Variants in NBEA observed in about 807,000 individuals in gnomAD.
NBEA encodes neurobeachin.
Under a neutral mutation model 343.4 loss-of-function variants are expected in NBEA, and 44 were observed. The observed-to-expected ratio is 0.13, with a 90% CI of 0.10 to 0.16. The LOEUF (loss-of-function observed/expected upper bound fraction) is 0.16. Ranked by LOEUF, NBEA falls within the 10% of genes least tolerant of loss-of-function variation. NBEA has a pLI of 1.00. For missense variants in NBEA, 2,555 were observed against 3,631.3 expected, an observed-to-expected ratio of 0.70 and a Z score of 7.62; for synonymous variants, 1,175 against 1,238.7, an observed-to-expected ratio of 0.95 and a Z score of 1.08.
Position 35,432,362 on chromosome 13 carries a change from T to C in NBEA, c.6273T>C (p.Ala2091=). The C allele has an allele frequency of 3.1e-6, 5 of 1,609,212 alleles. No individual in the cohort carries two copies. Among genetic ancestry groups the C allele is most frequent in the South Asian group, 1.1e-5 (1 of 90,086 alleles). Residue 2091 remains alanine (A), a synonymous_variant, in exon 39 of 59, where the codon GCT becomes GCC. Transcript: ENST00000379939. ...GCAATGCATTTGGCTCCACTCATGC[T>C]GAAGCATTGCTGAAAGCTGCAATAG... The part of the protein sequence containing the change: ...FVRNAFGSTH[A]EALLKAAIEY...
At chr13:35,296,130 G>A (rs917029746) in intron 35 of NBEA, among the ~76,000 whole-genome samples, 4 of 151,978 alleles carry the variant, frequency 2.6e-5, no homozygotes, top group South Asian at 2.1e-4. Flanking sequence ...GGTGGCTCAC[G>A]CCTGTAATCC....
At chr13:35,218,101 G>A (rs1390729093) in intron 33 of NBEA, among the ~76,000 whole-genome samples, 2 of 152,054 alleles carry the variant, frequency 1.3e-5, no homozygotes, top group Non-Finnish European at 2.9e-5. Flanking sequence ...AAGGAAACAT[G>A]GATGATGGGG....
intron 28 of NBEA, among the ~76,000 whole-genome samples, chr13:35,178,704 T>G (rs2071090753): frequency 6.6e-6 from 1 of 151,576 alleles, no homozygotes; most frequent in Admixed American, 6.6e-5. Context: ...AAACCTATAT[T>G]GTTTTTATAA....
intron 49 of NBEA, among the ~76,000 whole-genome samples, chr13:35,636,223 AATCT>A (rs1302288343): frequency 6.6e-6 from 1 of 152,218 alleles, no homozygotes; most frequent in African/African-American, 2.4e-5. Flanking sequence ...GATATTACTC[AATCT>A]AAGTACCTAG....
intron 41 of NBEA, among the ~76,000 whole-genome samples, chr13:35,536,972 A>G (rs1233548478): frequency 2.0e-5 from 3 of 152,152 alleles, no homozygotes; most frequent in Non-Finnish European, 4.4e-5. Context: ...CTGGCTTGGA[A>G]GTGATGTAAG....
At chr13:35,471,982 C>G (rs1004284593) in intron 40 of NBEA, among the ~76,000 whole-genome samples, 2 of 152,130 alleles carry the variant, frequency 1.3e-5, no homozygotes, top group African/African-American at 2.4e-5. Flanking sequence ...GGGAGCGCCG[C>G]TGCTGAGTGG....
At chr13:35,278,490 G>A (rs1431263120) in intron 34 of NBEA, among the ~76,000 whole-genome samples, 6 of 152,080 alleles carry the variant, frequency 3.9e-5, no homozygotes, top group Non-Finnish European at 7.4e-5. Context: ...ATAAAACCCC[G>A]TGAACTCACA....
At chr13:35,429,977 C>G (rs761539704) in intron 38 of NBEA, among the ~76,000 whole-genome samples, 1 of 151,984 alleles carries the variant, frequency 6.6e-6, no homozygotes, top group African/African-American at 2.4e-5. Context: ...GAGTAGATAC[C>G]CAGGAGTGGC....
At chr13:35,000,357 A>G (rs1459361573) in intron 1 of NBEA, among the ~76,000 whole-genome samples, 56 of 152,098 alleles carry the variant, frequency 3.7e-4, no homozygotes, top group African/African-American at 2.4e-5. Context: ...GGACAGTAAA[A>G]TAGTAAGCTA....
intron 1 of NBEA, among the ~76,000 whole-genome samples, chr13:34,952,088 G>GGTTATC (rs1267004044): frequency 1.3e-5 from 2 of 152,268 alleles, no homozygotes; most frequent in East Asian, 3.9e-4. Flanking sequence ...AATTAGACAA[G>GGTTATC]GTTATCTAGG....
chr13:35,423,845 C>G lies in NBEA; in HGVS notation c.6180-8424C>G, dbSNP rs1355308932. Among the ~76,000 whole-genome samples, 7 of 152,194 alleles carry G rather than the reference C, an allele frequency of 4.6e-5. No individual in the cohort carries two copies. The East Asian group carries it at 1.4e-3, about 29-fold the overall frequency. Reference sequence around the variant, plus strand: ...TTTCATTGAGCAGTGGTTTGTAGTTCTCCTTGAAGAGGTCCTTCATATCCG... The same window carrying G: ...TTTCATTGAGCAGTGGTTTGTAGTTGTCCTTGAAGAGGTCCTTCATATCCG... On this transcript the variant is annotated intron_variant, in intron 38 of 58. Transcript: ENST00000379939.
At chr13:35,116,658 A>G (rs1401178029) in intron 13 of NBEA, among the ~76,000 whole-genome samples, 1 of 152,186 alleles carries the variant, frequency 6.6e-6, no homozygotes, top group Non-Finnish European at 1.5e-5. Flanking sequence ...TAAAACTTGT[A>G]AAGCAGTAGA....
intron 1 of NBEA, among the ~76,000 whole-genome samples, chr13:35,017,112 G>A (rs762571279): frequency 4.6e-5 from 7 of 152,054 alleles, no homozygotes; most frequent in Non-Finnish European, 7.4e-5. Context: ...ATCATCTGCC[G>A]CAGTGGGAAG....
intron 41 of NBEA, among the ~76,000 whole-genome samples, chr13:35,549,447 T>A (rs978921540): frequency 6.6e-6 from 1 of 152,198 alleles, no homozygotes. Context: ...GAATTGTTAA[T>A]ACACGTTGGT....
At chr13:35,093,508 A>T (rs1263460479) in intron 10 of NBEA, among the ~76,000 whole-genome samples, 1 of 151,892 alleles carries the variant, frequency 6.6e-6, no homozygotes, top group African/African-American at 2.4e-5. Flanking sequence ...TGTTAATCCT[A>T]TTTCTCTTAA....
intron 1 of NBEA, among the ~76,000 whole-genome samples, chr13:35,010,083 A>G (rs903732373): frequency 3.9e-5 from 6 of 152,174 alleles, no homozygotes; most frequent in Admixed American, 2.6e-4. Context: ...AGCTAAGAGG[A>G]GATGACAAGA....
intron 41 of NBEA, among the ~76,000 whole-genome samples, chr13:35,480,282 G>C (rs765511641): frequency 6.6e-6 from 1 of 151,908 alleles, no homozygotes; most frequent in Non-Finnish European, 1.5e-5. Context: ...TTCATAAATA[G>C]TGTCATTATT....
chr13:35,368,173 T>G (rs2041232725), intron 38 of NBEA, among the ~76,000 whole-genome samples: 1 of 151,604 alleles, frequency 6.6e-6, no homozygotes, highest in Admixed American at 6.6e-5. Context: ...TACTATGTAA[T>G]TCGTTATCTT....
intron 41 of NBEA, among the ~76,000 whole-genome samples, chr13:35,486,899 C>CT: frequency 6.6e-6 from 1 of 151,894 alleles, no homozygotes; most frequent in East Asian, 1.9e-4. Context: ...ACTAATTCAC[C>CT]TAGATAACCA....
Sources: allele counts gnomAD v4.1 joint callset (sites outside exome capture counted in the v4.1 genomes callset), GRCh38; gene constraint gnomAD v4.1.1; transcripts MANE v1.5; gene names NCBI Gene and HGNC (gene_info 2026-07-23, HGNC 2026-07-21).